Variants in LUZP2 observed in about 807,000 individuals in gnomAD.
LUZP2 encodes the protein leucine zipper protein 2.
LUZP2 carries 52 observed loss-of-function variants against 51.6 expected under a neutral mutation model. The observed-to-expected ratio is 1.01, with a 90% CI of 0.81 to 1.27. The LOEUF is 1.27. LUZP2 is among the 50% of genes most tolerant of loss of function. The pLI is 0.00. For missense variants in LUZP2, 436 were observed against 395.4 expected, an observed-to-expected ratio of 1.10 and a Z score of -0.87; for synonymous variants, 154 against 137.3, an observed-to-expected ratio of 1.12 and a Z score of -0.85.
rs1853498065 is a variant in LUZP2, at chr11:24,907,589, T to C, written c.459+1536T>C. Among the ~76,000 whole-genome samples, 3 of 152,132 alleles carry C rather than the reference T, an allele frequency of 2.0e-5. No individual in the cohort carries two copies. In the South Asian group the frequency reaches 6.2e-4, roughly 31 times the overall value. ...GTATAAATGTGGTTTGTGCAGGTTG[T>C]GAGTATTACTTACAAGAGGGTAACA... On this transcript the variant is annotated intron_variant, in intron 6 of 11. Coordinates refer to ENST00000336930, the MANE Select transcript of LUZP2 (RefSeq NM_001009909.4).
chr11:24,986,958 A>C (rs530873606), intron 9 of LUZP2, among the ~76,000 whole-genome samples: 1 of 151,892 alleles, frequency 6.6e-6, no homozygotes, highest in Non-Finnish European at 1.5e-5. Context: ...GACTAAGTAA[A>C]AATCTCTTTT....
At chr11:24,835,264 A>C (rs1850829396) in intron 5 of LUZP2, among the ~76,000 whole-genome samples, 1 of 152,210 alleles carries the variant, frequency 6.6e-6, no homozygotes, top group African/African-American at 2.4e-5. Flanking sequence ...ATATGCAGAA[A>C]ACAGAAACTG....
At chr11:24,528,675 T>C (rs1850896243) in intron 1 of LUZP2, among the ~76,000 whole-genome samples, 1 of 151,156 alleles carries the variant, frequency 6.6e-6, no homozygotes, top group Admixed American at 6.6e-5. Flanking sequence ...TCATTTTCTA[T>C]GGAGTGGCCA....
At chr11:24,718,115 C>G (rs1425166361) in intron 1 of LUZP2, among the ~76,000 whole-genome samples, 3 of 152,156 alleles carry the variant, frequency 2.0e-5, no homozygotes, top group African/African-American at 7.2e-5. Context: ...AGAAAGGAAA[C>G]AGGACTATCA....
intron 1 of LUZP2, among the ~76,000 whole-genome samples, chr11:24,630,975 C>T (rs1431515810): frequency 6.6e-6 from 1 of 151,798 alleles, no homozygotes; most frequent in Admixed American, 6.6e-5. Context: ...GAATTGCCTT[C>T]TTGATTTCAT....
intron 7 of LUZP2, among the ~76,000 whole-genome samples, chr11:24,965,926 G>A (rs975038958): frequency 2.0e-5 from 3 of 151,616 alleles, no homozygotes; most frequent in African/African-American, 7.3e-5. Flanking sequence ...TTGCACACAG[G>A]GAATCTGAGA....
chr11:24,589,652 C>A (rs968383248), intron 1 of LUZP2, among the ~76,000 whole-genome samples: 2 of 152,056 alleles, frequency 1.3e-5, no homozygotes, highest in Non-Finnish European at 2.9e-5. Flanking sequence ...TTAAGGAATT[C>A]TTTGAATTTT....
At chr11:24,927,677 C>T (rs1323086065) in intron 7 of LUZP2, among the ~76,000 whole-genome samples, 3 of 152,028 alleles carry the variant, frequency 2.0e-5, no homozygotes, top group African/African-American at 7.2e-5. Context: ...TAATGTGGTG[C>T]CTCCAGATTT....
intron 5 of LUZP2, among the ~76,000 whole-genome samples, chr11:24,853,897 G>T (rs1327654908): frequency 2.6e-5 from 4 of 152,126 alleles, no homozygotes; most frequent in African/African-American, 9.7e-5. Flanking sequence ...GTCTGTTGGA[G>T]TTTGCTGGAG....
At chr11:24,542,319 A>T (rs577777721) in intron 1 of LUZP2, among the ~76,000 whole-genome samples, 1 of 152,090 alleles carries the variant, frequency 6.6e-6, no homozygotes, top group African/African-American at 2.4e-5. Flanking sequence ...CCCAGTGTAC[A>T]TGAGAGAATA....
At chr11:25,041,332 A>G (rs1858052118) in intron 9 of LUZP2, among the ~76,000 whole-genome samples, 1 of 152,150 alleles carries the variant, frequency 6.6e-6, no homozygotes, top group Non-Finnish European at 1.5e-5. Flanking sequence ...ATATACTATA[A>G]TAAAAGCTAA....
At chr11:24,670,041 A>T (rs1856352631) in intron 1 of LUZP2, among the ~76,000 whole-genome samples, 1 of 152,088 alleles carries the variant, frequency 6.6e-6, no homozygotes, top group African/African-American at 2.4e-5. Context: ...TATATTTCCG[A>T]TGAATAACTT....
At position 24,792,541 on chromosome 11, in the gene LUZP2, T is replaced by G. The variant is rs1032283967; in HGVS notation, c.396+29233T>G. Among the ~76,000 whole-genome samples the G allele has an allele frequency of 2.6e-5, 4 of 152,156 alleles. No individual in the cohort carries two copies. In the East Asian group the frequency reaches 7.7e-4, roughly 29 times the overall value. Reference sequence around the variant, plus strand: ...GGTTTTTTTTGCTTATATTACCACATATCTTTATAAGAACTTAGTACGGCA... The same window carrying G: ...GGTTTTTTTTGCTTATATTACCACAGATCTTTATAAGAACTTAGTACGGCA... On this transcript the variant is annotated intron_variant, in intron 5 of 11. Coordinates refer to ENST00000336930, the MANE Select transcript of LUZP2 (RefSeq NM_001009909.4).
rs531436962 is a variant in LUZP2, at chr11:24,655,193, A to G, written c.63-73976A>G. On this transcript the variant is annotated intron_variant, in intron 1 of 11. Transcript: ENST00000336930. Reference sequence around the variant, plus strand: ...CTGGTGTAATTAAGACTTTGGGCTTATTTGTGCCAACAGAGACTTTTGTTA... The same window carrying G: ...CTGGTGTAATTAAGACTTTGGGCTTGTTTGTGCCAACAGAGACTTTTGTTA... 7.2e-4 allele frequency among the ~76,000 whole-genome samples: 109 copies of G among 152,276 alleles called. 1 individual carries two copies. The highest frequency in any genetic ancestry group is 2.5e-3 in the African/African-American group (102 of 41,568).
chr11:24,772,531 A>G (rs10834483), intron 5 of LUZP2, among the ~76,000 whole-genome samples: 1 of 152,108 alleles, frequency 6.6e-6, no homozygotes. Context: ...TTATTTGCCT[A>G]TCTTAAGTGA....
chr11:24,559,441 A>G (rs1284947910), intron 1 of LUZP2, among the ~76,000 whole-genome samples: 1 of 152,186 alleles, frequency 6.6e-6, no homozygotes, highest in Non-Finnish European at 1.5e-5. Context: ...GGGAGTTTTG[A>G]AAGCATTAAC....
At chr11:24,713,330 C>T (rs1252107545) in intron 1 of LUZP2, among the ~76,000 whole-genome samples, 2 of 152,038 alleles carry the variant, frequency 1.3e-5, no homozygotes, top group Non-Finnish European at 2.9e-5. Flanking sequence ...TTTTAATACC[C>T]TAGCGAAACC....
At chr11:24,750,512 A>C (rs1355744560) in intron 4 of LUZP2, among the ~76,000 whole-genome samples, 5 of 152,256 alleles carry the variant, frequency 3.3e-5, no homozygotes, top group African/African-American at 1.2e-4. Flanking sequence ...AGAATATAGA[A>C]TCATCATTAT....
At chr11:24,630,651 G>A (rs932682546) in intron 1 of LUZP2, among the ~76,000 whole-genome samples, 1 of 141,918 alleles carries the variant, frequency 7.0e-6, no homozygotes. Context: ...CTCTTTCCTT[G>A]TAATGGCTTT....
Sources: allele counts gnomAD v4.1 joint callset (sites outside exome capture counted in the v4.1 genomes callset), GRCh38; gene constraint gnomAD v4.1.1; transcripts MANE v1.5; gene names NCBI Gene and HGNC (gene_info 2026-07-23, HGNC 2026-07-21).